Variants in RAD51B observed in about 807,000 individuals in gnomAD.
RAD51B encodes the protein RAD51 paralog B.
In RAD51B, 38 loss-of-function variants were observed where a neutral mutation model predicts 42.2. That is an observed-to-expected ratio of 0.90 (90% CI 0.70 to 1.18). RAD51B has a LOEUF of 1.18. Among genes scored for constraint, RAD51B ranks in the 50% most tolerant of loss-of-function variants. RAD51B has a pLI of 0.00. For missense variants in RAD51B, 373 were observed against 400.7 expected (o/e 0.93, Z 0.59); for synonymous variants, 154 against 145.2 (o/e 1.06, Z -0.43).
At chr14:68,425,978 T>TTCTTCCTC (rs2084830986) in intron 9 of RAD51B, among the ~76,000 whole-genome samples, 1 of 122,910 alleles carries the variant, frequency 8.1e-6, no homozygotes, top group Admixed American at 8.4e-5. Context: ...CTTTCTTTCT[T>TTCTTCCTC]CCTTCCTTCC....
chr14:68,600,568 C>T (rs1891178094), downstream of RAD51B, among the ~76,000 whole-genome samples: 1 of 152,148 alleles, frequency 6.6e-6, no homozygotes, highest in African/African-American at 2.4e-5. Context: ...TACATCAGCA[C>T]CCGCTGGGGC....
chr14:68,625,845 G>GC (rs1312681628), intron 10 of RAD51B, among the ~76,000 whole-genome samples: 1 of 152,078 alleles, frequency 6.6e-6, no homozygotes, highest in Non-Finnish European at 1.5e-5. Context: ...TTCCAGGGCT[G>GC]CCCCGCAAGA....
chr14:68,601,410 T>A (rs1220290785), intron 10 of RAD51B, among the ~76,000 whole-genome samples: 2 of 152,146 alleles, frequency 1.3e-5, no homozygotes, highest in Non-Finnish European at 2.9e-5. Context: ...TCCATGCCTA[T>A]AAACAGAATG....
chr14:67,859,892 C>T (rs1372265390), intron 4 of RAD51B, among the ~76,000 whole-genome samples: 3 of 152,084 alleles, frequency 2.0e-5, no homozygotes, highest in Admixed American at 6.5e-5. Flanking sequence ...GCGATCTCGG[C>T]TCACTGCAAC....
intron 8 of RAD51B, among the ~76,000 whole-genome samples, chr14:68,302,655 A>G (rs2081769619): frequency 6.6e-6 from 1 of 152,248 alleles, no homozygotes; most frequent in African/African-American, 2.4e-5. Context: ...ATTTATCCAC[A>G]TATTTATTAA....
intron 11 of RAD51B, among the ~76,000 whole-genome samples, chr14:68,671,258 G>T (rs1363190678): frequency 1.3e-5 from 2 of 152,204 alleles, no homozygotes; most frequent in African/African-American, 4.8e-5. Flanking sequence ...CAAGGCAAAT[G>T]TCAGATTTTT....
chr14:68,667,065 A>C (rs974526460), intron 11 of RAD51B, among the ~76,000 whole-genome samples: 8 of 152,242 alleles, frequency 5.3e-5, no homozygotes, highest in African/African-American at 1.9e-4. Context: ...CAGCAGCATA[A>C]CCTTTCACAT....
chr14:68,421,990 G>T, intron 9 of RAD51B: 2 of 1,527,672 alleles, frequency 1.3e-6, no homozygotes. Context: ...CCATTATGGT[G>T]ACTTCACAGT....
chr14:68,337,223 T>A (rs1180620360), intron 8 of RAD51B, among the ~76,000 whole-genome samples: 2 of 151,538 alleles, frequency 1.3e-5, no homozygotes, highest in Non-Finnish European at 2.9e-5. Flanking sequence ...TTGGTGCCTA[T>A]CCTAGCCCAT....
At chr14:67,996,617 G>A (rs2075389777) in intron 7 of RAD51B, among the ~76,000 whole-genome samples, 1 of 152,130 alleles carries the variant, frequency 6.6e-6, no homozygotes, top group African/African-American at 2.4e-5. Flanking sequence ...CAATAGATCT[G>A]AAGTGGAGAG....
chr14:68,302,822 T>C (rs1404283087), intron 8 of RAD51B, among the ~76,000 whole-genome samples: 3 of 152,230 alleles, frequency 2.0e-5, no homozygotes, highest in Non-Finnish European at 4.4e-5. Context: ...CATGCTATTG[T>C]TTGTGGCTTA....
intron 7 of RAD51B, among the ~76,000 whole-genome samples, chr14:67,900,628 T>TACAC (rs1214068146): frequency 2.8e-4 from 36 of 127,902 alleles, no homozygotes; most frequent in Middle Eastern, 9.3e-3. Flanking sequence ...GTGTGTGTCA[T>TACAC]ACACACACAC....
chr14:68,465,951 A>AAAAAAATAAAT (rs368641918), intron 9 of RAD51B, among the ~76,000 whole-genome samples: 16 of 90,508 alleles, frequency 1.8e-4, no homozygotes, highest in African/African-American at 5.3e-4. Context: ...AAAAAAAAAA[A>AAAAAAATAAAT]AAATAAATAA....
intron 8 of RAD51B, among the ~76,000 whole-genome samples, chr14:68,344,697 C>T (rs550438573): frequency 6.6e-6 from 1 of 151,516 alleles, no homozygotes; most frequent in African/African-American, 2.4e-5. Flanking sequence ...CCTGTAATCC[C>T]AGCACTTTAG....
chr14:68,545,602 AAAG>A (rs1393301751), intron 10 of RAD51B: 1 of 456,008 alleles, frequency 2.2e-6, no homozygotes, highest in African/African-American at 2.0e-5. Flanking sequence ...GGGCCATTGT[AAAG>A]AAGTTCCACC....
intron 8 of RAD51B, among the ~76,000 whole-genome samples, chr14:68,340,872 T>A (rs1010024111): frequency 9.2e-5 from 14 of 152,228 alleles, no homozygotes; most frequent in African/African-American, 3.4e-4. Flanking sequence ...TGGAGAACAG[T>A]CTGCCTTTGG....
intron 7 of RAD51B, among the ~76,000 whole-genome samples, chr14:68,183,922 T>C (rs2079102015): frequency 6.6e-6 from 1 of 151,682 alleles, no homozygotes; most frequent in Admixed American, 6.6e-5. Context: ...TGAAACCCCG[T>C]CTCTATTAAA....
At chr14:68,158,245 T>A (rs2078558992) in intron 7 of RAD51B, among the ~76,000 whole-genome samples, 1 of 152,172 alleles carries the variant, frequency 6.6e-6, no homozygotes, top group Non-Finnish European at 1.5e-5. Flanking sequence ...AGTTGGTAAG[T>A]GCTGTAAAAA....
At chr14:68,654,686 A>G (rs777210330) in intron 11 of RAD51B, among the ~76,000 whole-genome samples, 3 of 152,048 alleles carry the variant, frequency 2.0e-5, no homozygotes, top group Non-Finnish European at 2.9e-5. Flanking sequence ...ATCAGGCCTG[A>G]TAGGAAGGCC....
Sources: allele counts gnomAD v4.1 joint callset (sites outside exome capture counted in the v4.1 genomes callset), GRCh38; gene constraint gnomAD v4.1.1; transcripts MANE v1.5; gene names NCBI Gene and HGNC (gene_info 2026-07-23, HGNC 2026-07-21).